Variants in PROS1 observed in about 807,000 individuals in gnomAD.
PROS1 encodes vitamin K-dependent protein S.
In PROS1, 29 loss-of-function variants were observed where a neutral mutation model predicts 75.9. The ratio of observed to expected loss-of-function variants is 0.38; its 90% confidence interval spans 0.28 to 0.52. PROS1 has a LOEUF of 0.52. Among genes scored for constraint, PROS1 ranks in the 20% least tolerant of loss-of-function variants. The pLI is 0.83. For missense variants in PROS1, 680 were observed against 810.3 expected (o/e 0.84, Z 1.95); for synonymous variants, 245 against 280.6 (o/e 0.87, Z 1.27).
intron 4 of PROS1, among the ~76,000 whole-genome samples, chr3:93,908,818 G>A (rs528436856): frequency 6.6e-6 from 1 of 152,172 alleles, no homozygotes; most frequent in Non-Finnish European, 1.5e-5. Context: ...TTCCACATAA[G>A]TTACCTAAAT....
intron 6 of PROS1, among the ~76,000 whole-genome samples, chr3:93,905,157 C>T (rs1310061058): frequency 6.6e-5 from 10 of 152,238 alleles, no homozygotes; most frequent in Admixed American, 3.3e-4. Context: ...AATATAATGT[C>T]TGAAAACAGG....
chr3:93,928,500 C>T lies in PROS1; in HGVS notation c.77-1093G>A, dbSNP rs558064561. 3.2e-4 allele frequency among the ~76,000 whole-genome samples: 48 copies of T among 148,498 alleles called. No homozygotes were observed. The East Asian group carries it at 6.4e-3, about 20-fold the overall frequency. ...AGTGAGCTGAGATCCTGCCACTGCA[C>T]TCCAGCCTGGGCAATAGAGCAAGAC... is the stretch of plus-strand genomic sequence containing the variant. On this transcript the variant is annotated intron_variant, in intron 1 of 14. Coordinates refer to ENST00000394236, the MANE Select transcript of PROS1 (RefSeq NM_000313.4).
intron 4 of PROS1, among the ~76,000 whole-genome samples, chr3:93,908,250 G>T (rs537004483): frequency 6.6e-6 from 1 of 152,210 alleles, no homozygotes; most frequent in Admixed American, 6.5e-5. Context: ...GTAAAATAAT[G>T]GTTTTTCAAA....
At chr3:93,908,321 G>C (rs1708706390) in intron 4 of PROS1, among the ~76,000 whole-genome samples, 1 of 152,152 alleles carries the variant, frequency 6.6e-6, no homozygotes, top group African/African-American at 2.4e-5. Flanking sequence ...AACAAGCTGA[G>C]ACCTACAATT....
At chr3:93,923,005 G>T (rs1483790289) in intron 3 of PROS1, among the ~76,000 whole-genome samples, 1 of 152,200 alleles carries the variant, frequency 6.6e-6, no homozygotes, top group African/African-American at 2.4e-5. Context: ...TATAGTTACA[G>T]TGCACACTTA....
At chr3:93,925,489 C>G (rs1257461349) in intron 2 of PROS1, among the ~76,000 whole-genome samples, 1 of 150,562 alleles carries the variant, frequency 6.6e-6, no homozygotes, top group African/African-American at 2.5e-5. Flanking sequence ...TGGGTAGGGT[C>G]GAAAATGATC....
chr3:93,919,034 T>C (rs1708905136), intron 3 of PROS1, among the ~76,000 whole-genome samples: 1 of 152,212 alleles, frequency 6.6e-6, no homozygotes, highest in Non-Finnish European at 1.5e-5. Flanking sequence ...AACCACTAAG[T>C]GTTACACCAC....
chr3:93,907,698 A>G (rs1390330623), intron 4 of PROS1, among the ~76,000 whole-genome samples: 3 of 152,216 alleles, frequency 2.0e-5, no homozygotes, highest in African/African-American at 7.2e-5. Context: ...CAGCCACAGA[A>G]GTTTCCAGCC....
At chr3:93,945,742 C>T (rs1032979472) in intron 1 of PROS1, among the ~76,000 whole-genome samples, 13 of 152,164 alleles carry the variant, frequency 8.5e-5, no homozygotes, top group African/African-American at 9.7e-5. Context: ...CCTTTGAAAA[C>T]TGGCATAAAA....
At chr3:93,889,989 G>C (rs892804512) in intron 10 of PROS1, among the ~76,000 whole-genome samples, 5 of 152,108 alleles carry the variant, frequency 3.3e-5, no homozygotes, top group African/African-American at 1.2e-4. Context: ...CCTACAAACG[G>C]ACCTGCAAGT....
intron 1 of PROS1, among the ~76,000 whole-genome samples, chr3:93,929,019 T>C (rs1484292979): frequency 6.6e-6 from 1 of 152,250 alleles, no homozygotes; most frequent in Non-Finnish European, 1.5e-5. Context: ...GCAGGTTTTA[T>C]TTGAAGGTAT....
intron 4 of PROS1, among the ~76,000 whole-genome samples, chr3:93,908,127 C>G (rs908615424): frequency 5.3e-5 from 8 of 151,792 alleles, no homozygotes; most frequent in African/African-American, 1.9e-4. Context: ...GAGCCAGGCT[C>G]TCTCTCAAAA....
rs752399066 is a variant in PROS1 at position 93,905,791 on chromosome 3, A to G, written c.594T>C (p.Asp198=). The G allele has an allele frequency of 2.5e-6, 4 of 1,611,194 alleles. No homozygotes were observed. The highest frequency in any genetic ancestry group is 3.4e-6 in the Non-Finnish European group (4 of 1,177,558). Residue 198 remains aspartate (D), a synonymous_variant, in exon 6 of 15, where the codon GAT becomes GAC. Transcript: ENST00000394236. ...NGFVMLSNKK[D]CKDVDECSLK... is the part of the protein sequence containing the mutation. ...CTACCATCCTGCTCTTACCTTTACA[A>G]TCTTTCTTATTTGAAAGCATAACAA... is the stretch of plus-strand genomic sequence containing the variant.
At chr3:93,968,402 T>C (rs1277661671) in intron 1 of PROS1, among the ~76,000 whole-genome samples, 1 of 152,184 alleles carries the variant, frequency 6.6e-6, no homozygotes, top group African/African-American at 2.4e-5. Flanking sequence ...ATGAAACATA[T>C]TCTCCCCTCA....
chr3:93,931,538 A>G (rs561539539), intron 1 of PROS1, among the ~76,000 whole-genome samples: 3 of 152,338 alleles, frequency 2.0e-5, no homozygotes, highest in Admixed American at 6.5e-5. Flanking sequence ...GAATGTCACC[A>G]TCTCTAAATA....
chr3:93,951,488 C>CCTT (rs1438203426), intron 1 of PROS1, among the ~76,000 whole-genome samples: 2 of 152,072 alleles, frequency 1.3e-5, no homozygotes, highest in Non-Finnish European at 2.9e-5. Context: ...TTATATCCAG[C>CCTT]CAAACGAAGC....
intron 4 of PROS1, among the ~76,000 whole-genome samples, chr3:93,909,584 G>A (rs1708729439): frequency 6.6e-6 from 1 of 151,882 alleles, no homozygotes; most frequent in Non-Finnish European, 1.5e-5. Context: ...TTTAGACACT[G>A]CAATAGTCCC....
chr3:93,951,215 C>A (rs1199723450), intron 1 of PROS1, among the ~76,000 whole-genome samples: 1 of 152,046 alleles, frequency 6.6e-6, no homozygotes, highest in Non-Finnish European at 1.5e-5. Context: ...GCAAGGCAGG[C>A]CAACATTCAA....
chr3:93,886,073 AGT>A (rs1483978490), intron 11 of PROS1, among the ~76,000 whole-genome samples: 14 of 152,166 alleles, frequency 9.2e-5, no homozygotes, highest in African/African-American at 3.4e-4. Context: ...AACATTCTCA[AGT>A]GTTAACTTGA....
Sources: allele counts gnomAD v4.1 joint callset (sites outside exome capture counted in the v4.1 genomes callset), GRCh38; gene constraint gnomAD v4.1.1; transcripts MANE v1.5; gene names NCBI Gene and HGNC (gene_info 2026-07-23, HGNC 2026-07-21).